GATA4: variants seen among roughly 807,000 people sequenced by gnomAD.
The protein encoded by GATA4 is GATA binding protein 4, also known as transcription factor GATA-4.
GATA4 carries 7 observed loss-of-function variants against 37.9 expected under a neutral mutation model. The ratio of observed to expected loss-of-function variants is 0.18; its 90% CI spans 0.11 to 0.35. The LOEUF (loss-of-function observed/expected upper bound fraction) is 0.35, where lower values mean the gene tolerates loss of function less well. Among genes scored for constraint, GATA4 ranks in the 10% least tolerant of loss-of-function variants. The pLI is 1.00. For missense variants in GATA4, 647 were observed against 653.0 expected (o/e 0.99, Z 0.10); for synonymous variants, 372 against 292.6 (o/e 1.27, Z -2.77).
chr8:11,680,618 G>T (rs751543049), intron 1 of GATA4: 18 of 985,328 alleles, frequency 1.8e-5, no homozygotes, highest in Non-Finnish European at 2.2e-5. Flanking sequence ...TCGGTGGCGT[G>T]ACCTCTTGCC....
chr8:11,753,429 A>G (rs972509310), intron 4 of GATA4, among the ~76,000 whole-genome samples: 1 of 152,072 alleles, frequency 6.6e-6, no homozygotes, highest in Non-Finnish European at 1.5e-5. Context: ...AACACTACAG[A>G]GCAATATACT....
In GATA4 at chr8:11,749,467, C is replaced by T. The variant is rs563512199; in HGVS notation, c.786+382C>T. On this transcript the variant is annotated intron_variant, in intron 3 of 6. Transcript: ENST00000532059. The surrounding 1 kb of genome is among the most constrained non-coding windows in gnomAD (Gnocchi z 4.6). ...CCTGCAAGGAAGGTCACCTCAGAGG[C>T]TGGTCTCTACCCTGACCTCAGTTGA... is the stretch of plus-strand genomic sequence containing the variant. Among the ~76,000 whole-genome samples, 4 of 152,306 alleles carry T rather than the reference C, an allele frequency of 2.6e-5. No homozygotes were observed. Among genetic ancestry groups the T allele is most frequent in the African/African-American group, 7.2e-5 (3 of 41,558 alleles).
intron 2 of GATA4, among the ~76,000 whole-genome samples, chr8:11,736,827 C>T (rs977873740): frequency 2.6e-5 from 4 of 152,184 alleles, no homozygotes; most frequent in African/African-American, 9.7e-5. Flanking sequence ...CACTAGGAAG[C>T]ACCTAAGTCA....
chr8:11,688,475 A>G (rs1013075249), upstream of GATA4, among the ~76,000 whole-genome samples: 2 of 152,328 alleles, frequency 1.3e-5, no homozygotes, highest in Admixed American at 6.5e-5. Context: ...TTTTAAACCT[A>G]CTGAGGTGAC....
At chr8:11,735,713 C>T (rs11250162) in intron 2 of GATA4, among the ~76,000 whole-genome samples, 52,641 of 152,122 alleles carry the variant, frequency 0.35, 10,817 homozygotes, top group Non-Finnish European at 0.48. Context: ...CAGGCATGTG[C>T]CACCACGCTG....
intron 1 of GATA4, among the ~76,000 whole-genome samples, chr8:11,694,068 G>C (rs934334642): frequency 6.6e-6 from 1 of 152,182 alleles, no homozygotes; most frequent in Non-Finnish European, 1.5e-5. Context: ...AGGAGGTGCC[G>C]TGGGTCCCCC....
In GATA4 at chr8:11,680,864, A is replaced by G. The variant is rs898725869; in HGVS notation, c.-274+3801A>G. The G allele has an allele frequency of 1.4e-5, 14 of 984,876 alleles. No individual in the cohort carries two copies. The Admixed American group carries it at 6.8e-4, about 48-fold the overall frequency. 61.0% of individuals were successfully genotyped at this position (984,876 alleles called of 1,614,324 possible). On this transcript the variant is annotated intron_variant, in intron 1 of 6. Transcript: ENST00000528712. ...AGACACATAGCGAAGCCCCTGACCC[A>G]TTTCTTCTCAGTTGCGACCCCCTGT...
At chr8:11,729,462 G>A (rs1445973359) in intron 2 of GATA4, among the ~76,000 whole-genome samples, 1 of 151,618 alleles carries the variant, frequency 6.6e-6, no homozygotes, top group Non-Finnish European at 1.5e-5. Context: ...CCAGCTACTT[G>A]GGAGGCTGAG....
chr8:11,750,322 A>T lies in GATA4; in HGVS notation c.912+86A>T, dbSNP rs933477903. Reference sequence around the variant, plus strand: ...CCTTGTCTTCTTCCTTTGTACTAGCATTCATTTTTCCTTCTTAACAAAGAG... The same window carrying T: ...CCTTGTCTTCTTCCTTTGTACTAGCTTTCATTTTTCCTTCTTAACAAAGAG... On this transcript the variant is annotated intron_variant, in intron 4 of 6. Transcript: ENST00000532059. The T allele has an allele frequency of 1.3e-5, 20 of 1,564,796 alleles. No homozygotes were observed. The East Asian group carries it at 2.3e-4, about 18-fold the overall frequency.
At chr8:11,695,371 A>C (rs1563191499) in intron 1 of GATA4, among the ~76,000 whole-genome samples, 1 of 152,056 alleles carries the variant, frequency 6.6e-6, no homozygotes, top group Non-Finnish European at 1.5e-5. Context: ...GCGCCTTTGC[A>C]CTCCAGCCTG....
At chr8:11,755,022 A>T (rs368329519) in intron 4 of GATA4, 24 bp from the exon 5 acceptor site, 5 of 1,584,564 alleles carry the variant, frequency 3.2e-6, no homozygotes, top group Middle Eastern at 1.7e-4. Context: ...GGAAAACCCT[A>T]TATATTTACT....
chr8:11,693,085 T>C lies in GATA4; in HGVS notation c.-729+425T>C, dbSNP rs993554516. On this transcript the variant is annotated intron_variant, in intron 1 of 2. Transcript: ENST00000526974. ...CAGCGTTTTTCTACCCGGCAACAAA[T>C]ACATGGCTTTATTCCACTTCTTAAT... 5.1e-6 allele frequency: 5 copies of C among 983,730 alleles called. No individual in the cohort carries two copies. In the African/African-American group the frequency reaches 8.7e-5, roughly 17 times the overall value. 60.9% of individuals were successfully genotyped at this position (983,730 alleles called of 1,614,324 possible). A position where few individuals can be genotyped will look rare whatever the true frequency, so the allele number is the denominator to read the frequency against.
intron 1 of GATA4, chr8:11,680,882 C>A (rs1164072969): frequency 2.0e-6 from 2 of 985,250 alleles, no homozygotes; most frequent in Non-Finnish European, 2.4e-6. Flanking sequence ...TCAGTTGCGA[C>A]CCCCTGTGTG....
Position 11,696,439 on chromosome 8 carries a change from T to C in GATA4, c.-729+3779T>C, listed in dbSNP as rs569344807. Among the ~76,000 whole-genome samples, 5 of 152,200 alleles carry C rather than the reference T, an allele frequency of 3.3e-5. No individual in the cohort carries two copies. In the East Asian group the frequency reaches 9.6e-4, roughly 29 times the overall value. ...GATTCATTAGTGTTGCTGGGGTGTT[T>C]GTTGTTCATTCCTGTTTGTTACTGA... is the stretch of plus-strand genomic sequence containing the variant. On this transcript the variant is annotated intron_variant, in intron 1 of 2. Transcript: ENST00000526974.
Position 11,749,079 on chromosome 8 carries a change from C to T in GATA4, c.780C>T (p.Arg260=). The change falls in exon 3 of 7, where the codon CGC becomes CGT. Residue 260 remains arginine, a synonymous_variant. Transcript: ENST00000532059. This position sits in a 1 kb window ranked among gnomAD's most constrained non-coding sequence, Gnocchi z 4.6. ...ACCGGCCGCTCATCAAGCCTCAGCG[C>T]CGGCTGGTAAGCACGTGCCTCGCAG... ...GINRPLIKPQ[R]RLSASRRVGL... is the part of the protein sequence containing the mutation. 6.2e-7 allele frequency: 1 copy of T among 1,614,182 alleles called. No individual in the cohort carries two copies. The highest frequency in any genetic ancestry group is 1.1e-5 in the South Asian group (1 of 91,082).
intron 2 of GATA4, among the ~76,000 whole-genome samples, chr8:11,746,086 C>T (rs4841585): frequency 0.088 from 13,364 of 152,132 alleles, 839 homozygotes; most frequent in Non-Finnish European, 0.13. Flanking sequence ...TTGAGACCAG[C>T]CTGGGCAACA....
intron 2 of GATA4, among the ~76,000 whole-genome samples, chr8:11,732,996 A>G (rs1341218546): frequency 2.0e-5 from 3 of 152,182 alleles, no homozygotes; most frequent in Non-Finnish European, 2.9e-5. Flanking sequence ...GGTTGCCAGG[A>G]GTAAATTTCC....
rs890878162 is a variant in GATA4, at chr8:11,707,317, G to T, written c.-457-539G>T. On this transcript the variant is annotated intron_variant, in intron 1 of 6. Transcript: ENST00000532059. The surrounding 1 kb of genome is among the most constrained non-coding windows in gnomAD (Gnocchi z 4.7). Reference sequence around the variant, plus strand: ...TATAAACATTTGGACTCTACTTCTGGTTTTTTTTTTTTTTAATTACAAACA... The same window carrying T: ...TATAAACATTTGGACTCTACTTCTGTTTTTTTTTTTTTTTAATTACAAACA... 1.8e-4 allele frequency among the ~76,000 whole-genome samples: 26 copies of T among 143,682 alleles called. No individual in the cohort carries two copies. Among genetic ancestry groups the T allele is most frequent in the South Asian group, 6.6e-4 (3 of 4,534 alleles). 94.3% of individuals were successfully genotyped at this position (143,682 alleles called of 152,430 possible).
At chr8:11,713,547 C>T (rs1176069337) in intron 2 of GATA4, among the ~76,000 whole-genome samples, 5 of 151,216 alleles carry the variant, frequency 3.3e-5, no homozygotes, top group Non-Finnish European at 7.4e-5. Flanking sequence ...TTCAGGGAAC[C>T]ACTGGAGGAA....
Sources: gnomAD v4.1 joint callset for allele counts (sites outside exome capture counted in the v4.1 genomes callset) on GRCh38, gnomAD v4.1.1 for gene constraint, Gnocchi (gnomAD v3.1) non-coding constraint, MANE v1.5 for transcripts, NCBI Gene and HGNC (gene_info 2026-07-23, HGNC 2026-07-21) for gene names.